The following EDRF1 variants were observed in gnomAD, a reference collection of about 807,000 sequenced individuals.
EDRF1 encodes erythroid differentiation-related factor 1.
EDRF1 carries 69 observed loss-of-function variants against 148.7 expected under a neutral mutation model. That is an observed-to-expected ratio of 0.46 (90% CI 0.38 to 0.57). The LOEUF (loss-of-function observed/expected upper bound fraction) is 0.57, where lower values mean the gene tolerates loss of function less well. Among genes scored for constraint, EDRF1 ranks in the 20% least tolerant of loss-of-function variants. EDRF1 has a pLI of 0.00. For synonymous variants in EDRF1, 515 were observed against 532.8 expected (o/e 0.97, Z 0.46); for missense variants, 1,118 against 1,478.7 (o/e 0.76, Z 4.00).
At chr10:125,740,953 T>A (rs746103308) in intron 16 of EDRF1, 48 bp from the exon 17 acceptor site, 1 of 1,572,262 alleles carries the variant, frequency 6.4e-7, no homozygotes, top group South Asian at 1.1e-5. Flanking sequence ...TGATCATTAA[T>A]TTTTTTCTGC....
At chr10:125,722,514 T>C (rs1848057012) in intron 2 of EDRF1, among the ~76,000 whole-genome samples, 1 of 152,226 alleles carries the variant, frequency 6.6e-6, no homozygotes, top group South Asian at 2.1e-4. Context: ...TTATAGACTA[T>C]AGATGTGCTT....
chr10:125,747,513 G>A (rs1849423526), intron 19 of EDRF1, 23 bp from the exon 20 acceptor site: 1 of 1,613,876 alleles, frequency 6.2e-7, no homozygotes, highest in South Asian at 1.1e-5. Context: ...AGTCAGAAAT[G>A]TACACTGTTT....
At position 125,729,043 on chromosome 10, in the gene EDRF1, T is replaced by C. The variant is rs747248398; in HGVS notation, c.833T>C (p.Val278Ala). The C allele has an allele frequency of 6.3e-7, 1 of 1,583,364 alleles. No homozygotes were observed. Among genetic ancestry groups the C allele is most frequent in the East Asian group, 2.3e-5 (1 of 44,430 alleles). Reference sequence around the variant, plus strand: ...GAACCCTCATACATAGTGGGGCATGTGGCCTCAGCCCCCAAAGAACAAAAC... The same window carrying C: ...GAACCCTCATACATAGTGGGGCATGCGGCCTCAGCCCCCAAAGAACAAAAC... Reference protein sequence around the residue: ...PLEPSYIVGHVASAPKEQNLI... With the variant: ...PLEPSYIVGHAASAPKEQNLI... The change falls in exon 7 of 25, where the codon GTG becomes GCG. Residue 278 changes from valine to alanine, a missense_variant. Coordinates refer to ENST00000356792, the MANE Select transcript of EDRF1 (RefSeq NM_001202438.2).
chr10:125,752,320 T>G (rs780999979), intron 22 of EDRF1, among the ~76,000 whole-genome samples: 6 of 152,250 alleles, frequency 3.9e-5, no homozygotes, highest in Non-Finnish European at 8.8e-5. Context: ...TGTCCTGTAG[T>G]ATCTGATAGC....
At chr10:125,758,190 G>T (rs1850006859) in intron 24 of EDRF1, among the ~76,000 whole-genome samples, 1 of 152,092 alleles carries the variant, frequency 6.6e-6, no homozygotes, top group African/African-American at 2.4e-5. Context: ...ATTGCCCTGG[G>T]TTCATTCTTA....
chr10:125,725,904 T>C, intron 6 of EDRF1, 66 bp downstream of exon 6: 1 of 1,300,264 alleles, frequency 7.7e-7, no homozygotes, highest in Non-Finnish European at 1.1e-6. Flanking sequence ...AACATCTCGT[T>C]AAAAAAAAAA....
intron 13 of EDRF1, among the ~76,000 whole-genome samples, chr10:125,736,435 C>G (rs1848737437): frequency 6.6e-6 from 1 of 152,134 alleles, no homozygotes; most frequent in African/African-American, 2.4e-5. Context: ...ATTGCACTGA[C>G]TCTACCATCA....
At chr10:125,744,244 G>A (rs975480423) in intron 18 of EDRF1, among the ~76,000 whole-genome samples, 1 of 150,716 alleles carries the variant, frequency 6.6e-6, no homozygotes, top group African/African-American at 2.4e-5. Context: ...TTTGAGACAG[G>A]GTTTTACTCT....
Position 125,737,959 on chromosome 10 carries a change from C to G in EDRF1, c.1800C>G (p.Arg600=), listed in dbSNP as rs1291891116. The G allele has an allele frequency of 3.7e-6, 6 of 1,613,994 alleles. No individual in the cohort carries two copies. The Admixed American group carries it at 1.0e-4, about 27-fold the overall frequency. ...CAGTTTGCCATGACACAGAAGAGCGCTGTAGACTTGTGCTTAGCTATGTTC... is the reference window on the plus strand; with the variant it reads ...CAGTTTGCCATGACACAGAAGAGCGGTGTAGACTTGTGCTTAGCTATGTTC... ...AFPVCHDTEE[R]CRLVLSYVLE... is the part of the protein sequence containing the mutation. The change falls in exon 14 of 25, where the codon CGC becomes CGG. Residue 600 remains arginine, a synonymous_variant. Coordinates refer to ENST00000356792, the MANE Select transcript of EDRF1 (RefSeq NM_001202438.2).
At chr10:125,744,473 T>C (rs1849229689) in intron 18 of EDRF1, among the ~76,000 whole-genome samples, 1 of 152,212 alleles carries the variant, frequency 6.6e-6, no homozygotes, top group South Asian at 2.1e-4. Flanking sequence ...CATGAGCCAC[T>C]GCACCCAGCC....
At position 125,752,783 on chromosome 10, in the gene EDRF1, G is replaced by C; in HGVS notation, c.3278-16G>C. On this transcript the variant is annotated splice_polypyrimidine_tract_variant and intron_variant, in intron 22 of 24. Coordinates refer to ENST00000356792, the MANE Select transcript of EDRF1 (RefSeq NM_001202438.2). ...TTTATATTAAAGAAATGAACGTTTT[G>C]TATTTAAAACTTTAGGTCAGAATAG... 6.6e-7 allele frequency: 1 copy of C among 1,519,938 alleles called. No individual in the cohort carries two copies. The allele number at this position is 1,519,938 out of a possible 1,614,324, so 94.2% of individuals were successfully genotyped here.
In EDRF1 at chr10:125,738,338, T is replaced by C. The variant is rs1227668602; in HGVS notation, c.1874T>C (p.Leu625Pro). 6.2e-7 allele frequency: 1 copy of C among 1,614,006 alleles called. No individual in the cohort carries two copies. Among genetic ancestry groups the C allele is most frequent in the Non-Finnish European group, 8.5e-7 (1 of 1,180,016 alleles). Residue 625 changes from leucine (L) to proline (P), a missense_variant, in exon 15 of 25, where the codon CTT becomes CCT. Physicochemically the swap from Leu to Pro is moderately conservative, Grantham distance 98. Transcript: ENST00000356792. The stretch of plus-strand genomic sequence containing the variant: ...AGCAGCATCAAAAAAGAAAGCGACC[T>C]TCCAGCAGCTGACCCCAGCACTCCA... ...VDSSIKKESDLPAADPSTPIP... is the reference protein window; with the variant it reads ...VDSSIKKESDPPAADPSTPIP...
At chr10:125,723,788 AT>A (rs1388636997) in intron 3 of EDRF1, 22 bp from the exon 4 acceptor site, 1 of 1,605,018 alleles carries the variant, frequency 6.2e-7, no homozygotes, top group African/African-American at 1.3e-5. Context: ...TTTCTAAACT[AT>A]TTTTTCTCTT....
intron 22 of EDRF1, among the ~76,000 whole-genome samples, chr10:125,751,689 C>T (rs1455577350): frequency 2.0e-5 from 3 of 152,216 alleles, no homozygotes; most frequent in Non-Finnish European, 4.4e-5. Flanking sequence ...ACACTAACTA[C>T]GAGTCTGTCG....
At chr10:125,741,696 ATTTAT>A (rs1254208768) in intron 17 of EDRF1, 1 of 171,436 alleles carries the variant, frequency 5.8e-6, no homozygotes, top group African/African-American at 2.4e-5. Context: ...ATTTTATTTT[ATTTAT>A]TTATTTTTTT....
intron 20 of EDRF1, 82 bp from the exon 21 acceptor site, chr10:125,747,781 A>G (rs1849436289): frequency 6.2e-7 from 1 of 1,609,764 alleles, no homozygotes; most frequent in African/African-American, 1.3e-5. Context: ...CTTTTCCCTA[A>G]TAAGCAGTAT....
intron 18 of EDRF1, 132 bp downstream of exon 18, chr10:125,743,408 A>G (rs1394806210): frequency 1.4e-6 from 1 of 713,682 alleles, no homozygotes; most frequent in Non-Finnish European, 2.4e-6. Context: ...AGAACCTCTT[A>G]TTATTCTTAA....
chr10:125,753,856 T>C lies in EDRF1; in HGVS notation c.3545+11T>C, dbSNP rs1849760507. 2 of 1,611,702 alleles carry C rather than the reference T, an allele frequency of 1.2e-6. No homozygotes were observed. The highest frequency in any genetic ancestry group is 2.7e-5 in the African/African-American group (2 of 74,812). On this transcript the variant is annotated intron_variant, in intron 24 of 24. Coordinates refer to ENST00000356792, the MANE Select transcript of EDRF1 (RefSeq NM_001202438.2). ...TAAAAAGAAAACAAGGTAAATTAAG[T>C]GGTTATTTGTAGGAATTTCTTTCCT...
At chr10:125,722,899 GA>G (rs941090596) in intron 2 of EDRF1, among the ~76,000 whole-genome samples, 168 bp from the exon 3 acceptor site, 5 of 151,308 alleles carry the variant, frequency 3.3e-5, no homozygotes, top group South Asian at 2.1e-4. Flanking sequence ...GTACCACTAA[GA>G]AAAAAAAACT....
Sources: gnomAD v4.1 joint callset for allele counts (sites outside exome capture counted in the v4.1 genomes callset) on GRCh38, gnomAD v4.1.1 for gene constraint, MANE v1.5 for transcripts, NCBI Gene and HGNC (gene_info 2026-07-23, HGNC 2026-07-21) for gene names.